SP140: variants seen among roughly 807,000 people sequenced by gnomAD.
The protein encoded by SP140 is SP140 nuclear body protein.
In SP140, 81 loss-of-function variants were observed where a neutral mutation model predicts 125.0. That is an observed-to-expected ratio of 0.65 (90% CI 0.54 to 0.78). The LOEUF (loss-of-function observed/expected upper bound fraction) is 0.78, where lower values mean the gene tolerates loss of function less well. Among genes scored for constraint, SP140 ranks in the 30% least tolerant of loss-of-function variants. The pLI is 0.00. For missense variants in SP140, 858 were observed against 1,037.0 expected (o/e 0.83, Z 2.37); for synonymous variants, 312 against 354.0 (o/e 0.88, Z 1.33).
chr2:230,252,770 A>ACGCCTGTAATC (rs2050563521), intron 10 of SP140, among the ~76,000 whole-genome samples: 2 of 151,242 alleles, frequency 1.3e-5, no homozygotes, highest in African/African-American at 4.9e-5. Context: ...AAGAGTGGGC[A>ACGCCTGTAATC]CCAGTGTCCT....
intron 1 of SP140, among the ~76,000 whole-genome samples, chr2:230,234,447 C>T (rs564565953): frequency 6.6e-6 from 1 of 152,350 alleles, no homozygotes; most frequent in African/African-American, 2.4e-5. Flanking sequence ...GCAAAATATT[C>T]TTTGAGTCCT....
chr2:230,237,037 C>G lies in SP140; in HGVS notation c.60-46C>G. ...AAAATCTTCTAACCACCACAAACCT[C>G]TTGGAAACTCAGTGTCTACTTCCAC... On this transcript the variant is annotated intron_variant, in intron 1 of 26. Coordinates refer to ENST00000392045, the MANE Select transcript of SP140 (RefSeq NM_007237.5). This position sits in a 1 kb window ranked among gnomAD's most constrained non-coding sequence, Gnocchi z 5.4. The G allele has an allele frequency of 6.7e-7, 1 of 1,481,746 alleles. No individual in the cohort carries two copies. The highest frequency in any genetic ancestry group is 1.4e-5 in the African/African-American group (1 of 70,472). The allele number at this position is 1,481,746 out of a possible 1,614,324, so 91.8% of individuals were successfully genotyped here.
intron 1 of SP140, among the ~76,000 whole-genome samples, chr2:230,226,142 C>T (rs2046308113): frequency 6.6e-6 from 1 of 152,190 alleles, no homozygotes; most frequent in Non-Finnish European, 1.5e-5. Context: ...TGGACTGGAG[C>T]TGTTTGAACA....
At chr2:230,210,699 C>A (rs1042387460) in intron 1 of SP140, among the ~76,000 whole-genome samples, 2 of 152,206 alleles carry the variant, frequency 1.3e-5, no homozygotes, top group African/African-American at 4.8e-5. Context: ...GAAGCCATAA[C>A]AAATAAAGGC....
the SP140 span, among the ~76,000 whole-genome samples, chr2:230,193,171 C>A: frequency 6.6e-6 from 1 of 152,066 alleles, no homozygotes; most frequent in African/African-American, 2.4e-5. Context: ...AGAAAAGCTA[C>A]TCCTGTTTAC....
intron 1 of SP140, among the ~76,000 whole-genome samples, chr2:230,232,411 C>T (rs2047393246): frequency 6.6e-6 from 1 of 152,160 alleles, no homozygotes; most frequent in African/African-American, 2.4e-5. Flanking sequence ...TGCCTTGTGA[C>T]TTTGGTTATT....
intron 1 of SP140, among the ~76,000 whole-genome samples, chr2:230,226,762 C>CAAAAAAAAAAAAAAAAAAAAAAAAA (rs11323886): frequency 2.1e-5 from 2 of 94,264 alleles, no homozygotes; most frequent in Non-Finnish European, 4.3e-5. Context: ...AATTCCATCT[C>CAAAAAAAAAAAAAAAAAAAAAAAAA]AAAAAAAAAA....
intron 1 of SP140, among the ~76,000 whole-genome samples, chr2:230,209,769 G>C (rs1465979092): frequency 6.6e-6 from 1 of 152,134 alleles, no homozygotes; most frequent in Non-Finnish European, 1.5e-5. Flanking sequence ...TTTCATAAAG[G>C]CCTTTTTGGA....
chr2:230,253,544 T>TA (rs1446039870), intron 11 of SP140, 127 bp downstream of exon 11: 5 of 700,282 alleles, frequency 7.1e-6, no homozygotes, highest in African/African-American at 5.4e-5. Context: ...CAGATGGAAT[T>TA]ATGTCAATTT....
At chr2:230,219,978 A>ATTCC (rs2045661135) in intron 3 of SP140, 9 of 985,592 alleles carry the variant, frequency 9.1e-6, no homozygotes, top group Non-Finnish European at 1.1e-5. Flanking sequence ...CAAAACAGGA[A>ATTCC]GTCTGTGCTT....
At chr2:230,269,343 G>A (rs1159748949) in intron 12 of SP140, among the ~76,000 whole-genome samples, 189 bp from the exon 13 acceptor site, 1 of 150,534 alleles carries the variant, frequency 6.6e-6, no homozygotes, top group Non-Finnish European at 1.5e-5. Context: ...AAAGGAGGAT[G>A]AGGTGCATAA....
intron 1 of SP140, among the ~76,000 whole-genome samples, chr2:230,205,097 AT>A (rs2148877026): frequency 6.6e-6 from 1 of 152,348 alleles, no homozygotes; most frequent in African/African-American, 2.4e-5. Context: ...AAGCATGGAA[AT>A]AAACTAATTA....
chr2:230,271,095 A>G (rs1375259291), intron 15 of SP140, among the ~76,000 whole-genome samples: 1 of 152,222 alleles, frequency 6.6e-6, no homozygotes, highest in African/African-American at 2.4e-5. Flanking sequence ...CCAGAAAGGA[A>G]TTACTTTAGC....
intron 3 of SP140, among the ~76,000 whole-genome samples, chr2:230,241,203 T>C (rs1168531981): frequency 6.6e-6 from 1 of 152,196 alleles, no homozygotes; most frequent in Non-Finnish European, 1.5e-5. Context: ...GGAAATGTTC[T>C]GAATCTTGAC....
chr2:230,215,138 G>A (rs1255943497), intron 3 of SP140: 3 of 1,600,850 alleles, frequency 1.9e-6, no homozygotes, highest in Admixed American at 1.7e-5. Flanking sequence ...TGGAGTGAAG[G>A]TTTTTATAAA....
chr2:230,232,538 G>A (rs771526503), intron 1 of SP140, among the ~76,000 whole-genome samples: 4 of 152,182 alleles, frequency 2.6e-5, no homozygotes, highest in Admixed American at 6.5e-5. Flanking sequence ...GAAACCAGAG[G>A]TCTAGTGAAC....
At chr2:230,242,555 T>C (rs1239752622) in intron 4 of SP140, among the ~76,000 whole-genome samples, 2 of 151,318 alleles carry the variant, frequency 1.3e-5, no homozygotes, top group African/African-American at 4.9e-5. Flanking sequence ...AAGGGTCAGA[T>C]AGACATCTAC....
At chr2:230,280,299 C>T (rs1030570486) in intron 15 of SP140, among the ~76,000 whole-genome samples, 2 of 152,144 alleles carry the variant, frequency 1.3e-5, no homozygotes, top group African/African-American at 4.8e-5. Context: ...CGTAAAATCT[C>T]TTTTGCCAAG....
intron 22 of SP140, among the ~76,000 whole-genome samples, chr2:230,305,372 T>A (rs1056148672): frequency 6.6e-6 from 1 of 152,232 alleles, no homozygotes; most frequent in African/African-American, 2.4e-5. Context: ...TATAAGTAGA[T>A]CTACCATTTC....
Sources: allele counts gnomAD v4.1 joint callset (sites outside exome capture counted in the v4.1 genomes callset), GRCh38; gene constraint gnomAD v4.1.1; non-coding constraint Gnocchi (gnomAD v3.1); transcripts MANE v1.5; gene names NCBI Gene and HGNC (gene_info 2026-07-23, HGNC 2026-07-21).